FYN: variants seen among roughly 807,000 people sequenced by gnomAD.
The protein encoded by FYN is FYN proto-oncogene, Src family tyrosine kinase.
FYN carries 10 observed loss-of-function variants against 70.2 expected under a neutral mutation model. The ratio of observed to expected loss-of-function variants is 0.14; its 90% CI spans 0.09 to 0.24. The LOEUF (loss-of-function observed/expected upper bound fraction) is 0.24. FYN is among the 10% of genes least tolerant of loss of function. FYN has a pLI of 1.00. For synonymous variants in FYN, 236 were observed against 248.6 expected (o/e 0.95, Z 0.48); for missense variants, 319 against 673.1 (o/e 0.47, Z 5.82).
chr6:111,736,210 G>A (rs114985636), intron 3 of FYN, among the ~76,000 whole-genome samples: 2,093 of 152,326 alleles, frequency 0.014, 45 homozygotes, highest in African/African-American at 0.048. Flanking sequence ...TTCTCCTCCA[G>A]CTGTGGAGGG....
intron 12 of FYN, among the ~76,000 whole-genome samples, chr6:111,676,817 T>C (rs1284071951): frequency 2.0e-5 from 3 of 152,200 alleles, no homozygotes; most frequent in Non-Finnish European, 4.4e-5. Context: ...TCACTCAACA[T>C]TGGTGAAGGT....
At chr6:111,788,128 C>T (rs1193315312) in intron 2 of FYN, among the ~76,000 whole-genome samples, 1 of 152,172 alleles carries the variant, frequency 6.6e-6, no homozygotes, top group East Asian at 1.9e-4. Flanking sequence ...AAATCCCTCC[C>T]TGAAGTTCTT....
chr6:111,717,120 C>G (rs1800685055), intron 4 of FYN, among the ~76,000 whole-genome samples: 1 of 152,054 alleles, frequency 6.6e-6, no homozygotes, highest in African/African-American at 2.4e-5. Flanking sequence ...ACTAGTGCCA[C>G]AGACTTGCCA....
At position 111,700,139 on chromosome 6, in the gene FYN, C is replaced by T; in HGVS notation, c.827G>A (p.Arg276Lys). The T allele has an allele frequency of 6.2e-7, 1 of 1,614,060 alleles. No homozygotes were observed. Among genetic ancestry groups the T allele is most frequent in the Non-Finnish European group, 8.5e-7 (1 of 1,180,016 alleles). ...IPRESLQLIK[R>K]LGNGQFGEVW... is the part of the protein sequence containing the mutation. ...TTCCCCAAACTGCCCATTTCCCAGT[C>T]TCTTGATCAACTGCAGGGATTCTCG... The change falls in exon 9 of 14, where the codon AGA becomes AAA. Residue 276 changes from arginine (R) to lysine (K), a missense_variant. By Grantham distance (26) the Arg-to-Lys change is conservative. Around this residue, in one of 4 missense-constraint regions of FYN, gnomAD observed 112 missense variants for 250.2 expected, o/e 0.45. Coordinates refer to ENST00000354650, the MANE Select transcript of FYN (RefSeq NM_002037.5).
chr6:111,738,466 A>C (rs1030490930), intron 3 of FYN, among the ~76,000 whole-genome samples: 6 of 152,206 alleles, frequency 3.9e-5, no homozygotes, highest in African/African-American at 1.4e-4. Flanking sequence ...AAAGCTGCTC[A>C]CTGGAGAGGG....
intron 3 of FYN, among the ~76,000 whole-genome samples, chr6:111,777,250 G>A (rs1770987025): frequency 6.6e-6 from 1 of 152,124 alleles, no homozygotes. Flanking sequence ...GGAGTTAGGG[G>A]TAATAGAAGG....
chr6:111,868,910 A>T (rs12662537), intron 1 of FYN, among the ~76,000 whole-genome samples: 27,602 of 152,216 alleles, frequency 0.18, 2,783 homozygotes, highest in East Asian at 0.35. Flanking sequence ...GTTAACAATT[A>T]TTAATTATTT....
intron 3 of FYN, among the ~76,000 whole-genome samples, chr6:111,727,226 G>A (rs1053481614): frequency 2.6e-5 from 4 of 152,058 alleles, no homozygotes; most frequent in African/African-American, 4.8e-5. Context: ...TCCTTCGTGC[G>A]GTTTGGCATA....
intron 3 of FYN, among the ~76,000 whole-genome samples, chr6:111,732,309 T>A (rs1442739067): frequency 2.0e-5 from 3 of 152,368 alleles, no homozygotes; most frequent in South Asian, 4.1e-4. Flanking sequence ...ACTGTTGTCC[T>A]ACAGAGTGAT....
rs140888960 is a variant in FYN, at chr6:111,686,157, AC to A, written c.1273+8217del. On this transcript the variant is annotated intron_variant, in intron 12 of 13. Transcript: ENST00000354650. ...TCATCTCCATTTCCCTGCCAATTTG[AC>A]CTGCTCCCCCTAACTATTAATCTGG... Among the ~76,000 whole-genome samples, 1,132 of 152,194 alleles carry A rather than the reference AC, an allele frequency of 7.4e-3. 6 individuals are homozygous for A. The highest frequency in any genetic ancestry group is 0.011 in the Non-Finnish European group (775 of 68,002).
intron 2 of FYN, among the ~76,000 whole-genome samples, chr6:111,827,926 G>C (rs1772890838): frequency 6.6e-6 from 1 of 152,180 alleles, no homozygotes; most frequent in Non-Finnish European, 1.5e-5. Context: ...AGGCAGGCAG[G>C]CTTGCCCTCC....
chr6:111,831,379 A>G (rs931490676), intron 2 of FYN, among the ~76,000 whole-genome samples: 1 of 152,200 alleles, frequency 6.6e-6, no homozygotes, highest in Non-Finnish European at 1.5e-5. Context: ...AACATACTTA[A>G]CTCAAATATT....
At chr6:111,841,883 C>T (rs1302004907) in intron 2 of FYN, among the ~76,000 whole-genome samples, 2 of 151,676 alleles carry the variant, frequency 1.3e-5, no homozygotes, top group African/African-American at 4.8e-5. Flanking sequence ...TAAAAGAAAG[C>T]TGGTCAGTTA....
intron 2 of FYN, among the ~76,000 whole-genome samples, chr6:111,808,063 G>A (rs1467861810): frequency 6.6e-6 from 1 of 152,038 alleles, no homozygotes; most frequent in Non-Finnish European, 1.5e-5. Flanking sequence ...CGCTGAGGCT[G>A]CACCATTGTA....
At chr6:111,792,107 G>A (rs763709313) in intron 2 of FYN, among the ~76,000 whole-genome samples, 3 of 152,138 alleles carry the variant, frequency 2.0e-5, no homozygotes, top group Non-Finnish European at 4.4e-5. Context: ...ACAGAGTGGA[G>A]AACATAATTG....
At chr6:111,776,840 T>C (rs113625965) in intron 3 of FYN, among the ~76,000 whole-genome samples, 4,415 of 152,290 alleles carry the variant, frequency 0.029, 207 homozygotes, top group African/African-American at 0.1. Flanking sequence ...TGTAGCCATA[T>C]TAGGCTACAA....
chr6:111,773,773 C>G (rs1803596636), intron 3 of FYN, among the ~76,000 whole-genome samples: 1 of 152,152 alleles, frequency 6.6e-6, no homozygotes, highest in South Asian at 2.1e-4. Flanking sequence ...ATATTCAGGT[C>G]AGTTGCCCTG....
At chr6:111,664,311 A>G (rs1797900229) in intron 13 of FYN, among the ~76,000 whole-genome samples, 1 of 152,138 alleles carries the variant, frequency 6.6e-6, no homozygotes, top group African/African-American at 2.4e-5. Flanking sequence ...GTGCGGTTAC[A>G]GCCCCTGAAA....
At chr6:111,765,727 G>C (rs1486593846) in intron 3 of FYN, among the ~76,000 whole-genome samples, 1 of 151,154 alleles carries the variant, frequency 6.6e-6, no homozygotes, top group Non-Finnish European at 1.5e-5. Context: ...AGGAAGAAGT[G>C]ACACTTAAGA....
Sources: allele counts gnomAD v4.1 joint callset (sites outside exome capture counted in the v4.1 genomes callset), GRCh38; gene constraint gnomAD v4.1.1; regional missense constraint gnomAD v4.1.1; transcripts MANE v1.5; gene names NCBI Gene and HGNC (gene_info 2026-07-23, HGNC 2026-07-21).